Variants in SEC14L1 observed in about 807,000 individuals in gnomAD.
SEC14L1 encodes the protein SEC14-like protein 1.
A neutral mutation model predicts 85.3 loss-of-function variants in SEC14L1; 48 were observed. That is an observed-to-expected ratio of 0.56 (90% confidence interval 0.45 to 0.72). The LOEUF is 0.72. Ranked by LOEUF, SEC14L1 falls within the 30% of genes least tolerant of loss-of-function variation. The pLI, the probability that SEC14L1 is intolerant of heterozygous loss-of-function variation, is 0.00. For synonymous variants in SEC14L1, 391 were observed against 355.5 expected (o/e 1.10, Z -1.12); for missense variants, 682 against 921.4 (o/e 0.74, Z 3.36).
At chr17:77,190,075 TA>T (rs1294021902) in intron 3 of SEC14L1, among the ~76,000 whole-genome samples, 1 of 152,198 alleles carries the variant, frequency 6.6e-6, no homozygotes, top group Non-Finnish European at 1.5e-5. Flanking sequence ...TTTTTTTCCC[TA>T]AAAGTTTTAG....
At chr17:77,157,677 G>T (rs907068293) in intron 3 of SEC14L1, among the ~76,000 whole-genome samples, 1 of 151,998 alleles carries the variant, frequency 6.6e-6, no homozygotes, top group Non-Finnish European at 1.5e-5. Context: ...ACAGGCATGC[G>T]CCACCATCCC....
chr17:77,129,788 G>A (rs1280304417), intron 3 of SEC14L1, among the ~76,000 whole-genome samples: 1 of 152,098 alleles, frequency 6.6e-6, no homozygotes, highest in African/African-American at 2.4e-5. Context: ...GCCTTGTGAT[G>A]TGGCCTCTGG....
At chr17:77,193,689 C>A in intron 6 of SEC14L1, 140 bp downstream of exon 6, 2 of 877,164 alleles carry the variant, frequency 2.3e-6, no homozygotes, top group Non-Finnish European at 3.5e-6. Flanking sequence ...TACCCCCTGC[C>A]TCATCTTTAG....
intron 3 of SEC14L1, among the ~76,000 whole-genome samples, chr17:77,097,565 G>C (rs749570522): frequency 2.4e-5 from 2 of 83,496 alleles, no homozygotes; most frequent in Non-Finnish European, 4.6e-5. Flanking sequence ...TCCATCTCAA[G>C]AAAAAAAATT....
rs149832441 is a variant in SEC14L1, at chr17:77,143,910, A to C, written c.63+251A>C. ...GAATTGAAGTTAATTCTCCCTTTGA[A>C]CACACAGAAGTGGGATTCTAAGCAC... is the stretch of plus-strand genomic sequence containing the variant. On this transcript the variant is annotated intron_variant, in intron 3 of 16. Transcript: ENST00000436233. The C allele has an allele frequency of 1.5e-3, 498 of 342,712 alleles. 5 individuals are homozygous for C. Among genetic ancestry groups the C allele is most frequent in the African/African-American group, 9.8e-3 (458 of 46,570 alleles). The allele number at this position is 342,712 out of a possible 1,614,324, so 21.2% of individuals were successfully genotyped here.
At chr17:77,166,549 C>T (rs1221990636) in intron 3 of SEC14L1, among the ~76,000 whole-genome samples, 2 of 152,070 alleles carry the variant, frequency 1.3e-5, no homozygotes, top group Non-Finnish European at 2.9e-5. Context: ...AAAGATGAGA[C>T]CTATTAAGGG....
rs1472579107 is a variant in SEC14L1 at position 77,206,265 on chromosome 17, C to T, written c.1206C>T (p.Asn402=). Residue 402 remains asparagine, a synonymous_variant, in exon 12 of 17, where the codon AAC becomes AAT. Coordinates refer to ENST00000436233, the MANE Select transcript of SEC14L1 (RefSeq NM_001143998.2). The surrounding 1 kb of genome is among the most constrained non-coding windows in gnomAD (Gnocchi z 4.3). ...WTCLVDLEGL[N]MRHLWRPGVK... The stretch of plus-strand genomic sequence containing the variant: ...GCCTGGTGGACTTGGAAGGGCTGAA[C>T]ATGCGCCACTTGTGGAGACCTGGTG... 6.2e-7 allele frequency: 1 copy of T among 1,614,180 alleles called. No homozygotes were observed. The highest frequency in any genetic ancestry group is 1.1e-5 in the South Asian group (1 of 91,092).
At chr17:77,167,749 T>C (rs1024799281) in intron 3 of SEC14L1, among the ~76,000 whole-genome samples, 2 of 152,208 alleles carry the variant, frequency 1.3e-5, no homozygotes, top group East Asian at 1.9e-4. Flanking sequence ...CGGGAAGTTT[T>C]ATTGAGTGAT....
intron 2 of SEC14L1, among the ~76,000 whole-genome samples, chr17:77,092,135 C>A (rs906154401): frequency 6.6e-6 from 1 of 152,166 alleles, no homozygotes; most frequent in African/African-American, 2.4e-5. Context: ...TATTGATTTT[C>A]TCGGCTGTAG....
At chr17:77,134,289 A>G (rs1012357971) in intron 3 of SEC14L1, among the ~76,000 whole-genome samples, 2 of 149,652 alleles carry the variant, frequency 1.3e-5, no homozygotes, top group African/African-American at 5.0e-5. Flanking sequence ...TCTCTCTGGC[A>G]CCGAGGCTGT....
In SEC14L1 at chr17:77,194,839, C is replaced by T. The variant is rs200819182; in HGVS notation, c.637C>T (p.Leu213Phe). Reference protein sequence around the residue: ...SMAVVIPEAALKEGLSGDALS... With the variant: ...SMAVVIPEAAFKEGLSGDALS... ...GGCCGTCGTCATCCCAGAAGCTGCCCTCAAGGAGGGGCTGAGTGGTGATGC... is the reference window on the plus strand; with the variant it reads ...GGCCGTCGTCATCCCAGAAGCTGCCTTCAAGGAGGGGCTGAGTGGTGATGC... The change falls in exon 7 of 17, where the codon CTC (leucine) becomes TTC (phenylalanine). Residue 213 changes from leucine to phenylalanine, a missense_variant. Leu to Phe is a conservative substitution (Grantham distance 22). Transcript: ENST00000436233. 1.2e-4 allele frequency: 189 copies of T among 1,614,200 alleles called. No homozygotes were observed. Among genetic ancestry groups the T allele is most frequent in the Middle Eastern group, 3.3e-4 (2 of 6,062 alleles).
At position 77,102,715 on chromosome 17, in the gene SEC14L1, G is replaced by A. The variant is rs572635418; in HGVS notation, c.-136+9368G>A. 2.6e-4 allele frequency among the ~76,000 whole-genome samples: 40 copies of A among 152,208 alleles called. 1 individual carries two copies. The Middle Eastern group carries it at 0.014, about 52-fold the overall frequency. On this transcript the variant is annotated intron_variant, in intron 3 of 19. Coordinates refer to the SEC14L1 transcript ENST00000392476. ...CACAGGGTTTCACCATGTTGGCCAGGCTGGTCTCAAGCTCCTGACTTCAGG... is the reference window on the plus strand; with the variant it reads ...CACAGGGTTTCACCATGTTGGCCAGACTGGTCTCAAGCTCCTGACTTCAGG...
At chr17:77,091,232 C>T (rs1226277379) in intron 2 of SEC14L1, among the ~76,000 whole-genome samples, 8 of 152,058 alleles carry the variant, frequency 5.3e-5, no homozygotes, top group African/African-American at 1.2e-4. Flanking sequence ...AGATTACAGG[C>T]GCACGCCACC....
Position 77,212,075 on chromosome 17 carries a change from G to A in SEC14L1, c.1737G>A (p.Leu579=), listed in dbSNP as rs1342196538. The A allele has an allele frequency of 2.0e-5, 33 of 1,614,132 alleles. No homozygotes were observed. In the East Asian group the frequency reaches 7.1e-4, roughly 35 times the overall value. The change falls in exon 15 of 17, where the codon CTG becomes CTA. Residue 579 remains leucine, a synonymous_variant. Transcript: ENST00000436233. ...CACAACCACCCAAAAAGGACTCCCT[G>A]GGAGCCCACAGCATCACCTCTCCGG... is the stretch of plus-strand genomic sequence containing the variant. ...RSPQPPKKDS[L]GAHSITSPGG...
rs753151840 is a variant in SEC14L1, at chr17:77,214,070, C to T, written c.*47C>T. 1 of 1,583,504 alleles carries T rather than the reference C, an allele frequency of 6.3e-7. No homozygotes were observed. The highest frequency in any genetic ancestry group is 8.6e-7 in the Non-Finnish European group (1 of 1,163,698). ...TGTGCAGAGGGGACGGCCGCCCCTC[C>T]TCGGACAGCCAGCTGCACCCGCCCA... On this transcript the variant is annotated 3_prime_UTR_variant, in exon 17 of 17. Coordinates refer to ENST00000436233, the MANE Select transcript of SEC14L1 (RefSeq NM_001143998.2).
At chr17:77,118,686 A>T (rs930808563) in intron 3 of SEC14L1, among the ~76,000 whole-genome samples, 1 of 152,252 alleles carries the variant, frequency 6.6e-6, no homozygotes, top group Non-Finnish European at 1.5e-5. Context: ...GGTTATAATT[A>T]TGCATTTCGA....
intron 3 of SEC14L1, among the ~76,000 whole-genome samples, chr17:77,188,584 T>C (rs1975378854): frequency 6.6e-6 from 1 of 152,204 alleles, no homozygotes. Context: ...GTTTCTATTA[T>C]GAGTAACGCT....
At position 77,216,499 on chromosome 17, in the gene SEC14L1, A is replaced by G. The variant is rs771252396; in HGVS notation, c.*2476A>G. 1.2e-6 allele frequency: 2 copies of G among 1,612,780 alleles called. No individual in the cohort carries two copies. The highest frequency in any genetic ancestry group is 2.2e-5 in the East Asian group (1 of 44,886). On this transcript the variant is annotated 3_prime_UTR_variant, in exon 17 of 17. Transcript: ENST00000436233. ...TGGTGCTTCCTGTTCCCAAATCACA[A>G]GGGCCTGAAGGTGGTCCCTGCTTTC...
intron 13 of SEC14L1, among the ~76,000 whole-genome samples, chr17:77,208,479 C>T (rs917778935): frequency 5.9e-5 from 9 of 152,268 alleles, no homozygotes; most frequent in Middle Eastern, 3.4e-3. Context: ...AGTGTGTTTG[C>T]GGTGCTGAGC....
Sources: allele counts gnomAD v4.1 joint callset (sites outside exome capture counted in the v4.1 genomes callset), GRCh38; gene constraint gnomAD v4.1.1; non-coding constraint Gnocchi (gnomAD v3.1); transcripts MANE v1.5; gene names NCBI Gene and HGNC (gene_info 2026-07-23, HGNC 2026-07-21).